ZNF114: variants seen among roughly 807,000 people sequenced by gnomAD.
The protein encoded by ZNF114 is zinc finger protein 114.
Under a neutral mutation model 6.8 loss-of-function variants are expected in ZNF114, and 8 were observed. That is an observed-to-expected ratio of 1.18 (90% CI 0.69 to 2.13). The LOEUF is 2.13. Ranked by LOEUF, ZNF114 falls within the 30% of genes most tolerant of loss-of-function variation. The pLI is 0.00. For synonymous variants in ZNF114, 169 were observed against 185.5 expected (o/e 0.91, Z 0.72); for missense variants, 472 against 519.5 (o/e 0.91, Z 0.89).
chr19:48,282,648 G>A, intron 5 of ZNF114, 151 bp downstream of exon 5: 1 of 635,374 alleles, frequency 1.6e-6, no homozygotes, highest in Non-Finnish European at 2.4e-6. Flanking sequence ...GGTTCACCAT[G>A]AAACTGGAAG....
At chr19:48,280,860 A>G (rs1217759071) in intron 4 of ZNF114, among the ~76,000 whole-genome samples, 1 of 152,064 alleles carries the variant, frequency 6.6e-6, no homozygotes, top group African/African-American at 2.4e-5. Context: ...GCCAGGGTTT[A>G]AGGAGTAGCC....
intron 3 of ZNF114, among the ~76,000 whole-genome samples, chr19:48,274,667 G>A (rs1270013047): frequency 2.6e-5 from 4 of 151,546 alleles, no homozygotes; most frequent in South Asian, 2.1e-4. Context: ...CCACCATGCC[G>A]GGCTAATTTT....
In ZNF114 at chr19:48,285,811, C is replaced by G; in HGVS notation, c.187C>G (p.Leu63Val). 1 of 1,613,790 alleles carries G rather than the reference C, an allele frequency of 6.2e-7. No homozygotes were observed. The highest frequency in any genetic ancestry group is 8.5e-7 in the Non-Finnish European group (1 of 1,179,944). The part of the protein sequence containing the change: ...TKDATPQPDI[L>V]PKRTFPEANR... The stretch of plus-strand genomic sequence containing the variant: ...AGACGCAACCCCTCAGCCGGATATT[C>G]TTCCTAAAAGAACATTTCCTGAAGC... The change falls in exon 6 of 6, where the codon CTT (leucine) becomes GTT (valine). Residue 63 changes from leucine to valine, a missense_variant. Transcript: ENST00000595607.
rs749201884 is a variant in ZNF114, at chr19:48,277,794, G to GGTGT, written c.-69-1900_-69-1897dup. On this transcript the variant is annotated intron_variant, in intron 3 of 5. Coordinates refer to ENST00000595607, the MANE Select transcript of ZNF114 (RefSeq NM_153608.4). ...GAATAGACTGACCAGGGAGGCATTG[G>GGTGT]GTGTGTGTGTGTGTGTGTGTGTGTG... Among the ~76,000 whole-genome samples, 721 of 119,394 alleles carry GGTGT rather than the reference G, an allele frequency of 6.0e-3. 9 individuals carry two copies. The highest frequency in any genetic ancestry group is 0.037 in the East Asian group (148 of 3,978). The allele number at this position is 119,394 out of a possible 152,430, so 78.3% of individuals were successfully genotyped here.
intron 5 of ZNF114, 120 bp downstream of exon 5, chr19:48,282,617 C>T (rs2147293620): frequency 6.5e-6 from 8 of 1,226,288 alleles, no homozygotes; most frequent in Non-Finnish European, 8.8e-6. Context: ...ACAGCTGCTG[C>T]CCCCCAGGTA....
At chr19:48,272,673 C>CAAAAAAAAAAAAAAAAAAAA (rs57823987) in intron 3 of ZNF114, among the ~76,000 whole-genome samples, 34 of 39,224 alleles carry the variant, frequency 8.7e-4, no homozygotes, top group Admixed American at 1.9e-3. Flanking sequence ...GACTCTCTCT[C>CAAAAAAAAAAAAAAAAAAAA]AAAAAAAAAA....
chr19:48,285,671 A>T, intron 5 of ZNF114, 90 bp from the exon 6 acceptor site: 1 of 1,388,964 alleles, frequency 7.2e-7, no homozygotes, highest in Non-Finnish European at 9.7e-7. Context: ...AAAGAAAGAG[A>T]GAAATCCACA....
intron 3 of ZNF114, among the ~76,000 whole-genome samples, chr19:48,274,770 T>C (rs914168405): frequency 1.4e-4 from 21 of 151,904 alleles, no homozygotes; most frequent in Admixed American, 1.4e-3. Context: ...CCTCCCAAAG[T>C]GCTGGGATTA....
intron 3 of ZNF114, among the ~76,000 whole-genome samples, chr19:48,272,698 A>AAAAAAAAAAAAAAAAAAAAAT (rs1967700687): frequency 7.4e-6 from 1 of 134,334 alleles, no homozygotes; most frequent in Non-Finnish European, 1.6e-5. Flanking sequence ...AAAAAAAAAA[A>AAAAAAAAAAAAAAAAAAAAAT]GTATTGGATT....
chr19:48,283,859 G>A (rs948813277), intron 5 of ZNF114, among the ~76,000 whole-genome samples: 8 of 151,852 alleles, frequency 5.3e-5, no homozygotes, highest in African/African-American at 1.2e-4. Flanking sequence ...TCAGCCTCCC[G>A]AGTAGCTGGG....
chr19:48,275,810 G>A (rs146799458), intron 3 of ZNF114, among the ~76,000 whole-genome samples: 7,892 of 151,580 alleles, frequency 0.052, 345 homozygotes, highest in African/African-American at 0.12. Context: ...GTGAAACCCC[G>A]TCTCTACTAA....
chr19:48,286,938 T>C lies in ZNF114; in HGVS notation c.*60T>C. The C allele has an allele frequency of 1.3e-6, 2 of 1,503,628 alleles. No individual in the cohort carries two copies. The highest frequency in any genetic ancestry group is 1.4e-5 in the South Asian group (1 of 70,542). 93.1% of individuals were successfully genotyped at this position (1,503,628 alleles called of 1,614,324 possible). On this transcript the variant is annotated 3_prime_UTR_variant, in exon 6 of 6. Coordinates refer to ENST00000595607, the MANE Select transcript of ZNF114 (RefSeq NM_153608.4). ...CTGTACCAAACATGTGAGGAGGACA[T>C]ATTGGAAGGGAGCTCAAGGGGTTAG...
At chr19:48,275,419 AACAC>A (rs58275965) in intron 3 of ZNF114, among the ~76,000 whole-genome samples, 3,257 of 133,152 alleles carry the variant, frequency 0.024, 54 homozygotes, top group Middle Eastern at 0.12. Flanking sequence ...TCTCTACTAA[AACAC>A]ACACACACAC....
At chr19:48,273,117 G>A (rs932480837) in intron 3 of ZNF114, among the ~76,000 whole-genome samples, 4 of 152,150 alleles carry the variant, frequency 2.6e-5, no homozygotes, top group African/African-American at 9.7e-5. Context: ...TTGAGGGTTT[G>A]AGTTCCGTGT....
intron 3 of ZNF114, among the ~76,000 whole-genome samples, chr19:48,275,419 A>AACACACACACAC (rs58275965): frequency 0.057 from 7,602 of 132,986 alleles, 275 homozygotes; most frequent in Non-Finnish European, 0.066. Flanking sequence ...TCTCTACTAA[A>AACACACACACAC]ACACACACAC....
intron 5 of ZNF114, among the ~76,000 whole-genome samples, chr19:48,283,339 C>T (rs971562155): frequency 6.6e-6 from 1 of 152,148 alleles, no homozygotes; most frequent in Admixed American, 6.6e-5. Context: ...CACTTCTATT[C>T]ACACATCATC....
intron 3 of ZNF114, among the ~76,000 whole-genome samples, chr19:48,275,419 AACACACACACACACACACACAC>A (rs58275965): frequency 7.5e-6 from 1 of 133,116 alleles, no homozygotes. Context: ...TCTCTACTAA[AACACACACACACACACACACAC>A]ACACACACAC....
At chr19:48,283,972 G>C (rs1200405831) in intron 5 of ZNF114, among the ~76,000 whole-genome samples, 1 of 152,098 alleles carries the variant, frequency 6.6e-6, no homozygotes, top group East Asian at 1.9e-4. Flanking sequence ...GACCTCAAGT[G>C]CTCCGCCCAC....
intron 3 of ZNF114, among the ~76,000 whole-genome samples, chr19:48,276,149 G>A (rs1410669625): frequency 4.4e-5 from 6 of 137,536 alleles, no homozygotes; most frequent in African/African-American, 1.6e-4. Context: ...GTGCAATCTC[G>A]GCTCACCGCA....
Sources: allele counts gnomAD v4.1 joint callset (sites outside exome capture counted in the v4.1 genomes callset), GRCh38; gene constraint gnomAD v4.1.1; transcripts MANE v1.5; gene names NCBI Gene and HGNC (gene_info 2026-07-23, HGNC 2026-07-21).